Variants in SNX10 observed in about 807,000 individuals in gnomAD.
The protein encoded by SNX10 is sorting nexin 10.
SNX10 carries 25 observed loss-of-function variants against 28.5 expected under a neutral mutation model. The observed-to-expected ratio is 0.88, with a 90% CI of 0.64 to 1.22. The LOEUF (loss-of-function observed/expected upper bound fraction) is 1.22. Ranked by LOEUF, SNX10 falls within the 50% of genes most tolerant of loss-of-function variation. The probability of loss-of-function intolerance (pLI) is 0.00; values close to 1 mark genes in which losing one functional copy is unlikely to be tolerated. For synonymous variants in SNX10, 62 were observed against 81.4 expected, an observed-to-expected ratio of 0.76 and a Z score of 1.28; for missense variants, 223 against 242.6, an observed-to-expected ratio of 0.92 and a Z score of 0.54.
At chr7:26,355,362 T>C (rs1213162396) in intron 2 of SNX10, among the ~76,000 whole-genome samples, 1 of 152,228 alleles carries the variant, frequency 6.6e-6, no homozygotes, top group African/African-American at 2.4e-5. Flanking sequence ...AAAAAAAGTC[T>C]TGCTGAGATT....
At chr7:26,310,361 A>T (rs1786779561) in intron 1 of SNX10, among the ~76,000 whole-genome samples, 1 of 152,250 alleles carries the variant, frequency 6.6e-6, no homozygotes, top group Non-Finnish European at 1.5e-5. Context: ...CTAAAGTTGT[A>T]AAGCATAAAT....
chr7:26,354,178 G>T (rs1283722356), intron 2 of SNX10: 1 of 152,204 alleles, frequency 6.6e-6, no homozygotes, highest in Non-Finnish European at 1.5e-5. Context: ...CCTGGAAACT[G>T]TAATAGGTAT....
intron 2 of SNX10, among the ~76,000 whole-genome samples, chr7:26,352,515 T>C (rs74979045): frequency 0.056 from 8,583 of 152,284 alleles, 458 homozygotes; most frequent in East Asian, 0.25. Flanking sequence ...AACAATTTAC[T>C]AACTCATTAT....
chr7:26,353,462 G>GGGC (rs1562813906), intron 2 of SNX10, among the ~76,000 whole-genome samples: 3 of 96,570 alleles, frequency 3.1e-5, no homozygotes, highest in East Asian at 2.5e-4. Flanking sequence ...TTTTTTTTTG[G>GGGC]TGGGGAGACA....
intron 1 of SNX10, among the ~76,000 whole-genome samples, chr7:26,312,957 C>G (rs1786909415): frequency 6.6e-6 from 1 of 152,200 alleles, no homozygotes; most frequent in Admixed American, 6.5e-5. Flanking sequence ...AGGAAAACAA[C>G]CCACTCATTT....
At chr7:26,360,302 G>A (rs1789014931) in intron 2 of SNX10, among the ~76,000 whole-genome samples, 1 of 151,930 alleles carries the variant, frequency 6.6e-6, no homozygotes, top group Non-Finnish European at 1.5e-5. Flanking sequence ...GCCCAGGCTG[G>A]AGTGCAGTGG....
At position 26,343,573 on chromosome 7, in the gene SNX10, C is replaced by T. The variant is rs142154920; in HGVS notation, c.-23-2847C>T. ...TGGCACCAGGGGACTGCACAGCACG[C>T]GGTTGTGTAATGGGGCAGAGAGCCC... On this transcript the variant is annotated intron_variant, in intron 1 of 6. Transcript: ENST00000338523. Among the ~76,000 whole-genome samples the T allele has an allele frequency of 2.8e-4, 43 of 152,294 alleles. No individual in the cohort carries two copies. In the East Asian group the frequency reaches 6.0e-3, roughly 21 times the overall value.
chr7:26,345,260 C>G (rs887099407), intron 1 of SNX10, among the ~76,000 whole-genome samples: 2 of 152,166 alleles, frequency 1.3e-5, no homozygotes, highest in African/African-American at 4.8e-5. Context: ...AGAACCCTGT[C>G]CCCCAGCTGA....
In SNX10 at chr7:26,303,496, C is replaced by T. The variant is rs73283351; in HGVS notation, c.-24+11410C>T. 1.7e-3 allele frequency among the ~76,000 whole-genome samples: 263 copies of T among 152,282 alleles called. 2 individuals carry two copies. Among genetic ancestry groups the T allele is most frequent in the African/African-American group, 6.2e-3 (256 of 41,550 alleles). ...GCCCTCTGATGCAGTCTTTCAGGCT[C>T]CTCCGACCCTCTTTGTACATTTTTG... On this transcript the variant is annotated intron_variant, in intron 1 of 6. Coordinates refer to ENST00000338523, the MANE Select transcript of SNX10 (RefSeq NM_013322.3).
intron 1 of SNX10, among the ~76,000 whole-genome samples, chr7:26,321,551 G>A (rs1213508368): frequency 1.3e-5 from 2 of 152,124 alleles, no homozygotes; most frequent in Admixed American, 1.3e-4. Context: ...GCTCTTTCCT[G>A]GCCTGCCTGC....
At chr7:26,326,949 CTTTT>C (rs34664332) in intron 1 of SNX10, among the ~76,000 whole-genome samples, 5 of 119,788 alleles carry the variant, frequency 4.2e-5, no homozygotes, top group Admixed American at 8.5e-5. Flanking sequence ...TGTTAATTAT[CTTTT>C]TTTTTTTTTT....
chr7:26,305,021 C>CTTTT, intron 1 of SNX10, among the ~76,000 whole-genome samples: 1 of 152,108 alleles, frequency 6.6e-6, no homozygotes, highest in African/African-American at 2.4e-5. Flanking sequence ...CATGTGCTTT[C>CTTTT]TTTTTTACCT....
intron 1 of SNX10, among the ~76,000 whole-genome samples, chr7:26,339,191 C>T (rs1584138338): frequency 6.6e-6 from 1 of 152,178 alleles, no homozygotes; most frequent in East Asian, 1.9e-4. Flanking sequence ...TGAATAAGGA[C>T]ATCTTAAGCG....
chr7:26,361,715 C>T (rs571349557), intron 3 of SNX10, among the ~76,000 whole-genome samples: 11 of 152,252 alleles, frequency 7.2e-5, no homozygotes, highest in Non-Finnish European at 1.2e-4. Context: ...CAGTTTCTGT[C>T]GAGACTACTC....
intron 1 of SNX10, among the ~76,000 whole-genome samples, chr7:26,325,367 G>A (rs1468996578): frequency 7.7e-6 from 1 of 129,812 alleles, no homozygotes; most frequent in Admixed American, 8.1e-5. Context: ...GGCCAGAAGT[G>A]CAGTGGCACG....
Position 26,364,511 on chromosome 7 carries a change from C to T in SNX10, c.112-24C>T. 6.3e-7 allele frequency: 1 copy of T among 1,590,218 alleles called. No individual in the cohort carries two copies. The highest frequency in any genetic ancestry group is 2.2e-5 in the East Asian group (1 of 44,618). On this transcript the variant is annotated intron_variant, in intron 3 of 6. Transcript: ENST00000338523. This position sits in a 1 kb window ranked among gnomAD's most constrained non-coding sequence, Gnocchi z 4.9. ...TGCATTTTTTTCCTCAGGTAAGACT[C>T]ATTTTTCTACTTTCTCTGTACAGAC...
intron 2 of SNX10, among the ~76,000 whole-genome samples, chr7:26,358,429 A>T (rs1788911976): frequency 1.3e-5 from 2 of 152,184 alleles, no homozygotes; most frequent in Non-Finnish European, 2.9e-5. Context: ...GCATGAAAAA[A>T]ATAAAGAAAT....
At chr7:26,350,296 C>T (rs2128014574) in intron 2 of SNX10, among the ~76,000 whole-genome samples, 1 of 152,224 alleles carries the variant, frequency 6.6e-6, no homozygotes, top group Non-Finnish European at 1.5e-5. Context: ...CCGAAGTGGG[C>T]CCCAGAGAGT....
intron 1 of SNX10, among the ~76,000 whole-genome samples, chr7:26,329,326 A>G (rs1450575682): frequency 6.6e-6 from 1 of 152,102 alleles, no homozygotes; most frequent in Non-Finnish European, 1.5e-5. Flanking sequence ...TTCCTTCCCC[A>G]GACTGTTTTG....
Sources: gnomAD v4.1 joint callset for allele counts (sites outside exome capture counted in the v4.1 genomes callset) on GRCh38, gnomAD v4.1.1 for gene constraint, Gnocchi (gnomAD v3.1) non-coding constraint, MANE v1.5 for transcripts, NCBI Gene and HGNC (gene_info 2026-07-23, HGNC 2026-07-21) for gene names.